Variants in PRL observed in about 807,000 individuals in gnomAD.
The protein encoded by PRL is decidual prolactin.
In PRL, 24 loss-of-function variants were observed where a neutral mutation model predicts 21.3. The observed-to-expected ratio is 1.13, with a 90% CI of 0.82 to 1.59. The LOEUF is 1.59. Ranked by LOEUF, PRL falls within the 40% of genes most tolerant of loss-of-function variation. The pLI is 0.00. For synonymous variants in PRL, 118 were observed against 115.7 expected (o/e 1.02, Z -0.13); for missense variants, 243 against 286.9 (o/e 0.85, Z 1.10).
At chr6:22,293,683 G>GA (rs1450607497) in intron 2 of PRL, among the ~76,000 whole-genome samples, 2 of 120,716 alleles carry the variant, frequency 1.7e-5, no homozygotes, top group African/African-American at 6.3e-5. Context: ...GGGAAGGAAG[G>GA]AAAAAAGGAA....
chr6:22,287,691 A>G (rs1226715831), intron 4 of PRL, 98 bp from the exon 5 acceptor site: 3 of 1,110,476 alleles, frequency 2.7e-6, no homozygotes, highest in Non-Finnish European at 3.7e-6. Context: ...AGAATGAGAT[A>G]TGAATGCAAA....
chr6:22,288,533 T>TA lies in PRL; in HGVS notation c.493-941dup, dbSNP rs34201912. Among the ~76,000 whole-genome samples, 67 of 142,256 alleles carry TA rather than the reference T, an allele frequency of 4.7e-4. No homozygotes were observed. The highest frequency in any genetic ancestry group is 2.2e-3 in the Admixed American group (32 of 14,260). 93.3% of individuals were successfully genotyped at this position (142,256 alleles called of 152,430 possible). On this transcript the variant is annotated intron_variant, in intron 4 of 4. Coordinates refer to ENST00000306482, the MANE Select transcript of PRL (RefSeq NM_000948.6). This position sits in a 1 kb window ranked among gnomAD's most constrained non-coding sequence, Gnocchi z 4.5. Reference sequence around the variant, plus strand: ...ATAGGTGACACAGTGAGAACTTGTCTAAAAAAAAAAAGGTCAGGGGGTTGC... The same window carrying TA: ...ATAGGTGACACAGTGAGAACTTGTCTAAAAAAAAAAAAGGTCAGGGGGTTGC...
At chr6:22,291,955 T>G (rs190471971) in intron 3 of PRL, among the ~76,000 whole-genome samples, 3 of 152,260 alleles carry the variant, frequency 2.0e-5, no homozygotes, top group East Asian at 3.9e-4. Flanking sequence ...AAGCAAAATA[T>G]TATGTTTTAC....
At chr6:22,296,921 T>C in intron 1 of PRL, 34 bp downstream of exon 1, 1 of 1,609,096 alleles carries the variant, frequency 6.2e-7, no homozygotes, top group South Asian at 1.1e-5. Flanking sequence ...GGAGTGTTGA[T>C]ACAACCAACA....
intron 1 of PRL, 53 bp downstream of exon 1, chr6:22,296,901 TC>T: frequency 6.4e-7 from 1 of 1,567,024 alleles, no homozygotes; most frequent in Non-Finnish European, 8.7e-7. Flanking sequence ...TTCACATTAA[TC>T]CCCCCACAGG....
At chr6:22,287,628 T>C (rs748066386) in intron 4 of PRL, 35 bp from the exon 5 acceptor site, 1 of 1,495,468 alleles carries the variant, frequency 6.7e-7, no homozygotes, top group African/African-American at 1.4e-5. Context: ...TTATTCTTCA[T>C]ATTATTAGTA....
chr6:22,291,010 T>G (rs1761038776), intron 3 of PRL: 1 of 152,222 alleles, frequency 6.6e-6, no homozygotes, highest in South Asian at 2.1e-4. Flanking sequence ...GGAACCAATG[T>G]TATCTTGAAT....
At chr6:22,293,535 G>A (rs1761098697) in intron 2 of PRL, among the ~76,000 whole-genome samples, 1 of 151,312 alleles carries the variant, frequency 6.6e-6, no homozygotes, top group Non-Finnish European at 1.5e-5. Flanking sequence ...TCCAAAATAG[G>A]TTATTCAGAA....
Position 22,288,440 on chromosome 6 carries a change from C to G in PRL, c.493-847G>C, listed in dbSNP as rs1760971004. ...GTCCCAGCTACTTGGGAGGCTGAGG[C>G]ATGAGGATCGCTTGAACCCAGGAGG... is the stretch of plus-strand genomic sequence containing the variant. On this transcript the variant is annotated intron_variant, in intron 4 of 4. Coordinates refer to ENST00000306482, the MANE Select transcript of PRL (RefSeq NM_000948.6). The surrounding 1 kb of genome is among the most constrained non-coding windows in gnomAD (Gnocchi z 4.5). Among the ~76,000 whole-genome samples, 2 of 151,962 alleles carry G rather than the reference C, an allele frequency of 1.3e-5. No homozygotes were observed. Among genetic ancestry groups the G allele is most frequent in the Admixed American group, 6.6e-5 (1 of 15,256 alleles).
chr6:22,287,609 AAG>A lies in PRL; in HGVS notation c.493-18_493-17del, dbSNP rs777614472. ...CAGGATGAACCTAATCACACAAAAA[AAG>A]AGTGACTTATTCTTCATATTATTAG... is the stretch of plus-strand genomic sequence containing the variant. On this transcript the variant is annotated splice_polypyrimidine_tract_variant and intron_variant, in intron 4 of 4. Coordinates refer to ENST00000306482, the MANE Select transcript of PRL (RefSeq NM_000948.6). 6 of 1,565,592 alleles carry A rather than the reference AAG, an allele frequency of 3.8e-6. No homozygotes were observed. Among genetic ancestry groups the A allele is most frequent in the Middle Eastern group, 3.4e-4 (2 of 5,866 alleles).
At chr6:22,294,869 A>C (rs1246916505) in intron 1 of PRL, among the ~76,000 whole-genome samples, 1 of 152,170 alleles carries the variant, frequency 6.6e-6, no homozygotes, top group Non-Finnish European at 1.5e-5. Flanking sequence ...GCTTAAATTA[A>C]TTCTGAGCTA....
upstream of PRL, among the ~76,000 whole-genome samples, chr6:22,297,884 G>T (rs1396531865): frequency 1.3e-5 from 2 of 152,206 alleles, no homozygotes; most frequent in Non-Finnish European, 2.9e-5. Context: ...TAATTCTATA[G>T]TTGAGTTAAA....
At chr6:22,297,147 T>C (rs766788208), upstream of PRL, 1 of 655,398 alleles carries the variant, frequency 1.5e-6, no homozygotes, top group Middle Eastern at 2.5e-4. Flanking sequence ...TCATTGAGAT[T>C]ACCCCCATAA....
rs1760938727 is a variant in PRL at position 22,287,251 on chromosome 6, G to A, written c.*151C>T. The A allele has an allele frequency of 1.5e-6, 1 of 655,410 alleles. No homozygotes were observed. The highest frequency in any genetic ancestry group is 1.9e-5 in the African/African-American group (1 of 53,690). 40.6% of individuals were successfully genotyped at this position (655,410 alleles called of 1,614,324 possible). ...GAAACTTTGACAAATCGGCATTTTA[G>A]ATTTTGATGTCTCTAAGGAGTCAGT... On this transcript the variant is annotated 3_prime_UTR_variant, in exon 5 of 5. Transcript: ENST00000306482.
upstream of PRL, among the ~76,000 whole-genome samples, chr6:22,301,504 G>C (rs976666717): frequency 6.6e-6 from 1 of 152,072 alleles, no homozygotes; most frequent in Non-Finnish European, 1.5e-5. Flanking sequence ...TGGAAAGTCA[G>C]GGAAGTGAGT....
upstream of PRL, among the ~76,000 whole-genome samples, chr6:22,298,126 A>C (rs1761215147): frequency 6.6e-6 from 1 of 152,156 alleles, no homozygotes; most frequent in African/African-American, 2.4e-5. Context: ...CATGTAATAA[A>C]CTGAAATTCT....
upstream of PRL, chr6:22,297,424 T>C (rs2113517472): frequency 6.3e-6 from 1 of 157,926 alleles, no homozygotes; most frequent in Non-Finnish European, 1.4e-5. Flanking sequence ...TTATCAGTTA[T>C]CAAGTTTCTT....
At chr6:22,290,516 A>G (rs186867625) in intron 3 of PRL, among the ~76,000 whole-genome samples, 163 bp from the exon 4 acceptor site, 1 of 152,274 alleles carries the variant, frequency 6.6e-6, no homozygotes, top group East Asian at 1.9e-4. Context: ...TGTAAAATTG[A>G]AACTATTGGC....
At position 22,287,458 on chromosome 6, in the gene PRL, T is replaced by C. The variant is rs779965751; in HGVS notation, c.628A>G (p.Ile210Val). The change falls in exon 5 of 5, where the codon ATC becomes GTC. Residue 210 changes from isoleucine (I) to valine (V), a missense_variant. Transcript: ENST00000306482. ...LHCLRRDSHK[I>V]DNYLKLLKCR... ...TTCAGGAGCTTGAGATAATTGTCGA[T>C]TTTATGTGAATCCCTGCGTAGGCAG... is the stretch of plus-strand genomic sequence containing the variant. The C allele has an allele frequency of 3.1e-6, 5 of 1,614,058 alleles. No individual in the cohort carries two copies. The South Asian group carries it at 5.5e-5, about 18-fold the overall frequency.
Sources: allele counts gnomAD v4.1 joint callset (sites outside exome capture counted in the v4.1 genomes callset), GRCh38; gene constraint gnomAD v4.1.1; non-coding constraint Gnocchi (gnomAD v3.1); transcripts MANE v1.5; gene names NCBI Gene and HGNC (gene_info 2026-07-23, HGNC 2026-07-21).